Variants in RXFP1 observed in about 807,000 individuals in gnomAD.
RXFP1 encodes relaxin receptor 1.
In RXFP1, 73 loss-of-function variants were observed where a neutral mutation model predicts 89.8. The ratio of observed to expected loss-of-function variants is 0.81; its 90% CI spans 0.67 to 0.99. RXFP1 has a LOEUF of 0.99. Among genes scored for constraint, RXFP1 ranks in the 50% least tolerant of loss-of-function variants. The pLI, the probability that RXFP1 is intolerant of heterozygous loss-of-function variation, is 0.00. For synonymous variants in RXFP1, 277 were observed against 305.5 expected, an observed-to-expected ratio of 0.91 and a Z score of 0.97; for missense variants, 793 against 895.5, an observed-to-expected ratio of 0.89 and a Z score of 1.46.
At chr4:158,639,065 G>A (rs976916814) in intron 13 of RXFP1, among the ~76,000 whole-genome samples, 195 bp from the exon 14 acceptor site, 17 of 152,004 alleles carry the variant, frequency 1.1e-4, no homozygotes, top group Non-Finnish European at 2.4e-4. Flanking sequence ...ATCAAATAAG[G>A]AAGATAATAC....
At chr4:158,632,125 A>T (rs1438768246) in intron 11 of RXFP1, among the ~76,000 whole-genome samples, 1 of 152,166 alleles carries the variant, frequency 6.6e-6, no homozygotes, top group African/African-American at 2.4e-5. Context: ...CCAACTCTTT[A>T]TGAAAGAGAT....
intron 1 of RXFP1, among the ~76,000 whole-genome samples, chr4:158,550,125 G>A (rs994083164): frequency 4.6e-5 from 7 of 152,202 alleles, no homozygotes; most frequent in African/African-American, 1.7e-4. Context: ...CAGCTGCTTT[G>A]TTTACCTAAT....
intron 1 of RXFP1, among the ~76,000 whole-genome samples, chr4:158,538,409 T>C (rs1464735909): frequency 1.3e-5 from 2 of 152,088 alleles, no homozygotes; most frequent in Non-Finnish European, 2.9e-5. Flanking sequence ...TGCTGAAGGA[T>C]TGCAAGTGGG....
chr4:158,581,286 T>C (rs1187448777), intron 2 of RXFP1, among the ~76,000 whole-genome samples: 1 of 152,212 alleles, frequency 6.6e-6, no homozygotes, highest in East Asian at 1.9e-4. Context: ...ACTATTTCCA[T>C]TACACAGGGA....
chr4:158,651,525 G>A (rs1772727728), intron 17 of RXFP1, among the ~76,000 whole-genome samples: 1 of 152,044 alleles, frequency 6.6e-6, no homozygotes, highest in Non-Finnish European at 1.5e-5. Flanking sequence ...TATTCAAGAA[G>A]AGCTACTTAG....
intron 1 of RXFP1, among the ~76,000 whole-genome samples, chr4:158,560,229 C>A (rs1207438628): frequency 1.3e-5 from 2 of 152,192 alleles, no homozygotes; most frequent in Non-Finnish European, 2.9e-5. Flanking sequence ...CCAGACATTT[C>A]TCTTGGGGCT....
Position 158,531,093 on chromosome 4 carries a change from G to C in RXFP1, c.49+9068G>C, listed in dbSNP as rs185396701. Among the ~76,000 whole-genome samples, 119 of 152,284 alleles carry C rather than the reference G, an allele frequency of 7.8e-4. 1 individual carries two copies. Among genetic ancestry groups the C allele is most frequent in the Admixed American group, 4.6e-3 (70 of 15,306 alleles). On this transcript the variant is annotated intron_variant, in intron 1 of 17. Transcript: ENST00000307765. ...CTCTCCTGGCCCAGGCTTGAGTGCA[G>C]TGATGCAATCTTGGCTCACTGCAAA...
intron 2 of RXFP1, among the ~76,000 whole-genome samples, chr4:158,584,856 A>G (rs1757996222): frequency 6.6e-6 from 1 of 152,214 alleles, no homozygotes; most frequent in Admixed American, 6.5e-5. Flanking sequence ...GAAATAATTC[A>G]TATGCCAATG....
At chr4:158,614,065 T>C (rs918083647) in intron 8 of RXFP1, among the ~76,000 whole-genome samples, 4 of 152,048 alleles carry the variant, frequency 2.6e-5, no homozygotes, top group Non-Finnish European at 5.9e-5. Context: ...AAAGGAAATC[T>C]TTTTTTTCTG....
At position 158,562,406 on chromosome 4, in the gene RXFP1, C is replaced by A. The variant is rs1752648183; in HGVS notation, c.50-10292C>A. 2.7e-5 allele frequency among the ~76,000 whole-genome samples: 4 copies of A among 147,598 alleles called. No individual in the cohort carries two copies. In the Admixed American group the frequency reaches 2.7e-4, roughly 10 times the overall value. Reference sequence around the variant, plus strand: ...GGGCGTAGTGGCGGGCGCCTGTAGTCCCAGCTACTTGGGAGGCTGAGGCAG... The same window carrying A: ...GGGCGTAGTGGCGGGCGCCTGTAGTACCAGCTACTTGGGAGGCTGAGGCAG... On this transcript the variant is annotated intron_variant, in intron 1 of 17. Coordinates refer to ENST00000307765, the MANE Select transcript of RXFP1 (RefSeq NM_021634.4).
intron 14 of RXFP1, among the ~76,000 whole-genome samples, chr4:158,641,945 A>G (rs1770456567): frequency 5.3e-5 from 8 of 152,224 alleles, no homozygotes; most frequent in Admixed American, 5.2e-4. Flanking sequence ...TAGTAATTAT[A>G]AATTATCCAC....
chr4:158,608,073 T>C, intron 6 of RXFP1, 30 bp downstream of exon 6: 1 of 1,438,904 alleles, frequency 6.9e-7, no homozygotes, highest in Non-Finnish European at 9.7e-7. Flanking sequence ...AATTTGCCCA[T>C]TCCATGGTAG....
chr4:158,535,922 C>A (rs1745179503), intron 1 of RXFP1, among the ~76,000 whole-genome samples: 2 of 152,160 alleles, frequency 1.3e-5, no homozygotes, highest in African/African-American at 2.4e-5. Flanking sequence ...TCTGGAAAGC[C>A]CTCTGATCCA....
intron 1 of RXFP1, among the ~76,000 whole-genome samples, chr4:158,557,702 A>T (rs1195173719): frequency 6.6e-6 from 1 of 152,240 alleles, no homozygotes; most frequent in African/African-American, 2.4e-5. Context: ...TATTCAAATT[A>T]AAAACTGTAA....
At chr4:158,626,720 T>G in intron 9 of RXFP1, 100 bp from the exon 10 acceptor site, 1 of 676,918 alleles carries the variant, frequency 1.5e-6, no homozygotes, top group Non-Finnish European at 2.5e-6. Context: ...ATAAACAGTA[T>G]GTAAAGAAAA....
intron 2 of RXFP1, among the ~76,000 whole-genome samples, chr4:158,588,724 A>G (rs904571711): frequency 6.6e-6 from 1 of 152,196 alleles, no homozygotes; most frequent in Non-Finnish European, 1.5e-5. Context: ...GAAAACACCA[A>G]TGAAGTTGGG....
At chr4:158,608,500 G>A (rs1166870482) in intron 6 of RXFP1, among the ~76,000 whole-genome samples, 2 of 150,420 alleles carry the variant, frequency 1.3e-5, no homozygotes, top group Non-Finnish European at 3.0e-5. Context: ...TATTTGTGAT[G>A]AAGAAGAAAA....
At chr4:158,553,358 C>T (rs1445110765) in intron 1 of RXFP1, among the ~76,000 whole-genome samples, 1 of 152,102 alleles carries the variant, frequency 6.6e-6, no homozygotes, top group Non-Finnish European at 1.5e-5. Context: ...AGCATGTTTT[C>T]AGGGGCTAAG....
intron 3 of RXFP1, among the ~76,000 whole-genome samples, chr4:158,596,713 A>G (rs1404343464): frequency 6.6e-6 from 1 of 152,254 alleles, no homozygotes; most frequent in Non-Finnish European, 1.5e-5. Flanking sequence ...AGCGAATGAC[A>G]AAGAAAAATT....
Sources: allele counts gnomAD v4.1 joint callset (sites outside exome capture counted in the v4.1 genomes callset), GRCh38; gene constraint gnomAD v4.1.1; transcripts MANE v1.5; gene names NCBI Gene and HGNC (gene_info 2026-07-23, HGNC 2026-07-21).